PCDHGA5: variants seen among roughly 807,000 people sequenced by gnomAD.
The protein encoded by PCDHGA5 is protocadherin gamma subfamily A, 5.
Under a neutral mutation model 56.7 loss-of-function variants are expected in PCDHGA5, and 36 were observed. That is an observed-to-expected ratio of 0.64 (90% CI 0.49 to 0.84). PCDHGA5 has a LOEUF of 0.84. Among genes scored for constraint, PCDHGA5 ranks in the 40% least tolerant of loss-of-function variants. PCDHGA5 has a pLI of 0.00. For missense variants in PCDHGA5, 1,305 were observed against 1,201.5 expected (o/e 1.09, Z -1.27); for synonymous variants, 563 against 520.2 (o/e 1.08, Z -1.12).
In PCDHGA5 at chr5:141,486,649, C is replaced by G; in HGVS notation, c.2422-8158C>G. On this transcript the variant is annotated intron_variant, in intron 1 of 3. Transcript: ENST00000518069. This position sits in a 1 kb window ranked among gnomAD's most constrained non-coding sequence, Gnocchi z 5.0. The stretch of plus-strand genomic sequence containing the variant: ...CTGGCTTGAATGCGCTTATCTCCTA[C>G]TCACTCCTGGAGCCCAGGAATCGAG... The G allele has an allele frequency of 6.2e-7, 1 of 1,613,952 alleles. No individual in the cohort carries two copies. The highest frequency in any genetic ancestry group is 8.5e-7 in the Non-Finnish European group (1 of 1,180,034).
chr5:141,413,157 A>T, intron 1 of PCDHGA5: 2 of 1,578,898 alleles, frequency 1.3e-6, no homozygotes, highest in Non-Finnish European at 1.7e-6. Flanking sequence ...ACTTTGCAGA[A>T]TTCTGTAACC....
intron 1 of PCDHGA5, chr5:141,400,039 C>T: frequency 6.2e-7 from 1 of 1,613,512 alleles, no homozygotes; most frequent in Non-Finnish European, 8.5e-7. Context: ...CCGCCAGCGC[C>T]TGCTGGTTGC....
At chr5:141,488,525 G>A (rs1040463796) in intron 1 of PCDHGA5, among the ~76,000 whole-genome samples, 1 of 152,182 alleles carries the variant, frequency 6.6e-6, no homozygotes, top group African/African-American at 2.4e-5. Flanking sequence ...TGGGGTGTCA[G>A]AAAAGCTAAG....
At chr5:141,415,859 T>C in intron 1 of PCDHGA5, 1 of 1,187,664 alleles carries the variant, frequency 8.4e-7, no homozygotes, top group Non-Finnish European at 1.1e-6. Context: ...CCTTGTAGTT[T>C]ATAGTGTTGT....
rs2097456240 is a variant in PCDHGA5, at chr5:141,432,134, G to T, written c.2422-62673G>T. 3 of 1,613,756 alleles carry T rather than the reference G, an allele frequency of 1.9e-6. No individual in the cohort carries two copies. The highest frequency in any genetic ancestry group is 1.3e-5 in the African/African-American group (1 of 74,800). On this transcript the variant is annotated intron_variant, in intron 1 of 3. Coordinates refer to ENST00000518069, the MANE Select transcript of PCDHGA5 (RefSeq NM_018918.3). This position sits in a 1 kb window ranked among gnomAD's most constrained non-coding sequence, Gnocchi z 6.0. The stretch of plus-strand genomic sequence containing the variant: ...GGTCTTCCCTCAGGCCTCCTATTCC[G>T]CTTATATCCCAGAGAACAATCCCAG...
At chr5:141,470,585 G>A (rs2099233788) in intron 1 of PCDHGA5, among the ~76,000 whole-genome samples, 1 of 152,188 alleles carries the variant, frequency 6.6e-6, no homozygotes, top group African/African-American at 2.4e-5. Flanking sequence ...AACTTCATAG[G>A]CAGGCGACCT....
intron 1 of PCDHGA5, chr5:141,393,405 C>T (rs777100284): frequency 1.2e-6 from 2 of 1,614,032 alleles, no homozygotes; most frequent in Non-Finnish European, 1.7e-6. Flanking sequence ...GGTGCTGGAG[C>T]GCGCCCTGGA....
intron 1 of PCDHGA5, among the ~76,000 whole-genome samples, chr5:141,368,655 A>G (rs761837441): frequency 1.3e-5 from 2 of 152,170 alleles, no homozygotes; most frequent in Non-Finnish European, 2.9e-5. Flanking sequence ...CAATGGAAAA[A>G]TATCTTTAAA....
rs79464787 is a variant in PCDHGA5, at chr5:141,480,455, T to C, written c.2422-14352T>C. Among the ~76,000 whole-genome samples the C allele has an allele frequency of 7.4e-3, 1,134 of 152,274 alleles. 17 individuals are homozygous for C. The highest frequency in any genetic ancestry group is 0.026 in the African/African-American group (1,086 of 41,548). ...CAGCTATTACTATAATTATTTTTAT[T>C]AGTTCCTCACTCACCTAAAATCTCA... On this transcript the variant is annotated intron_variant, in intron 1 of 3. Transcript: ENST00000518069.
chr5:141,498,578 G>T (rs1404493166), intron 2 of PCDHGA5, among the ~76,000 whole-genome samples: 1 of 152,048 alleles, frequency 6.6e-6, no homozygotes, highest in African/African-American at 2.4e-5. Flanking sequence ...CTAGTATTGA[G>T]TTCTTCAGTA....
At chr5:141,479,391 T>G (rs2099494461) in intron 1 of PCDHGA5, 1 of 152,266 alleles carries the variant, frequency 6.6e-6, no homozygotes, top group Non-Finnish European at 1.5e-5. Flanking sequence ...AGCCCAGGAG[T>G]TCTGGGCTGT....
chr5:141,364,832 C>G lies in PCDHGA5; in HGVS notation c.502C>G (p.Arg168Gly), dbSNP rs538468873. Residue 168 changes from arginine to glycine, a missense_variant, in exon 1 of 4, where the codon CGG becomes GGG. Arg to Gly is a moderately radical substitution (Grantham distance 125). Coordinates refer to ENST00000518069, the MANE Select transcript of PCDHGA5 (RefSeq NM_018918.3). ...TGCGGATGTGGGTGTGAACTCTCTCCGGAGTTACCAGCTCAGCTCCAATCT... is the reference window on the plus strand; with the variant it reads ...TGCGGATGTGGGTGTGAACTCTCTCGGGAGTTACCAGCTCAGCTCCAATCT... ...RDADVGVNSL[R>G]SYQLSSNLHF... The G allele has an allele frequency of 5.0e-6, 8 of 1,614,012 alleles. No individual in the cohort carries two copies. The African/African-American group carries it at 5.3e-5, about 11-fold the overall frequency.
chr5:141,451,813 G>A (rs921877961), intron 1 of PCDHGA5, among the ~76,000 whole-genome samples: 13 of 150,788 alleles, frequency 8.6e-5, no homozygotes, highest in East Asian at 2.0e-4. Context: ...CCCAGGAGGC[G>A]GAGGTTACAG....
intron 1 of PCDHGA5, chr5:141,408,042 C>T (rs2095031452): frequency 1.7e-6 from 2 of 1,204,046 alleles, no homozygotes; most frequent in Non-Finnish European, 2.2e-6. Flanking sequence ...AACCAGCTCC[C>T]ACACAGAGCC....
At chr5:141,399,509 A>G in intron 1 of PCDHGA5, 13 of 1,613,968 alleles carry the variant, frequency 8.1e-6, no homozygotes, top group Non-Finnish European at 1.1e-5. Flanking sequence ...CCCGAAAACA[A>G]CCCTCCTGGG....
rs151105903 is a variant in PCDHGA5 at position 141,419,964 on chromosome 5, T to C, written c.2421+53213T>C. ...GTGGCCTTGGCCTTGATTTCTGTGC[T>C]CTTTCTCCTCGCGGTGATTCTAGCT... On this transcript the variant is annotated intron_variant, in intron 1 of 3. Transcript: ENST00000518069. 3.7e-6 allele frequency: 6 copies of C among 1,614,082 alleles called. No individual in the cohort carries two copies. Among genetic ancestry groups the C allele is most frequent in the Non-Finnish European group, 4.2e-6 (5 of 1,179,900 alleles).
intron 1 of PCDHGA5, among the ~76,000 whole-genome samples, chr5:141,407,088 G>T (rs955657125): frequency 4.6e-5 from 7 of 152,058 alleles, no homozygotes; most frequent in African/African-American, 1.7e-4. Context: ...ATGAAGAATT[G>T]TTTTATTTGT....
At chr5:141,497,665 G>A (rs1011161465) in intron 2 of PCDHGA5, among the ~76,000 whole-genome samples, 3 of 151,348 alleles carry the variant, frequency 2.0e-5, no homozygotes, top group South Asian at 2.1e-4. Flanking sequence ...TCAGCCTCCC[G>A]AGTAGCTGGG....
chr5:141,485,734 C>T lies in PCDHGA5; in HGVS notation c.2422-9073C>T. ...CACTGGATGTGAAGAAGCGCAGCGACGGCAGCCTGGTCCCAGAGCTGCTCC... is the reference window on the plus strand; with the variant it reads ...CACTGGATGTGAAGAAGCGCAGCGATGGCAGCCTGGTCCCAGAGCTGCTCC... On this transcript the variant is annotated intron_variant, in intron 1 of 3. Transcript: ENST00000518069. This position sits in a 1 kb window ranked among gnomAD's most constrained non-coding sequence, Gnocchi z 5.7. The T allele has an allele frequency of 6.2e-7, 1 of 1,614,210 alleles. No individual in the cohort carries two copies. The highest frequency in any genetic ancestry group is 8.5e-7 in the Non-Finnish European group (1 of 1,180,028).
Sources: gnomAD v4.1 joint callset for allele counts (sites outside exome capture counted in the v4.1 genomes callset) on GRCh38, gnomAD v4.1.1 for gene constraint, Gnocchi (gnomAD v3.1) non-coding constraint, MANE v1.5 for transcripts, NCBI Gene and HGNC (gene_info 2026-07-23, HGNC 2026-07-21) for gene names.